The following RNF180 variants were observed in gnomAD, a reference collection of about 807,000 sequenced individuals.
RNF180 encodes E3 ubiquitin-protein ligase RNF180.
In RNF180, 38 loss-of-function variants were observed where a neutral mutation model predicts 59.2. The ratio of observed to expected loss-of-function variants is 0.64; its 90% CI spans 0.50 to 0.84. The LOEUF is 0.84. Among genes scored for constraint, RNF180 ranks in the 40% least tolerant of loss-of-function variants. RNF180 has a pLI of 0.00. For missense variants in RNF180, 705 were observed against 700.9 expected (o/e 1.01, Z -0.07); for synonymous variants, 262 against 240.3 (o/e 1.09, Z -0.84).
intron 5 of RNF180, among the ~76,000 whole-genome samples, chr5:64,289,847 T>A (rs572457926): frequency 6.6e-6 from 1 of 152,144 alleles, no homozygotes; most frequent in South Asian, 2.1e-4. Flanking sequence ...TCTCTTGGAT[T>A]TGTTTATTTT....
intron 1 of RNF180, among the ~76,000 whole-genome samples, chr5:64,169,045 A>G (rs1749799169): frequency 6.6e-6 from 1 of 152,182 alleles, no homozygotes; most frequent in African/African-American, 2.4e-5. Flanking sequence ...AGAAGGGGCT[A>G]CTTATGCCAG....
intron 7 of RNF180, among the ~76,000 whole-genome samples, chr5:64,356,875 A>T (rs1746049746): frequency 1.3e-5 from 2 of 151,868 alleles, no homozygotes; most frequent in Admixed American, 1.3e-4. Context: ...GTTTGGGATA[A>T]TGAAAAAACT....
intron 5 of RNF180, among the ~76,000 whole-genome samples, chr5:64,311,987 G>A (rs139690981): frequency 4.6e-5 from 7 of 152,094 alleles, no homozygotes; most frequent in Admixed American, 2.0e-4. Context: ...GATGGTACAC[G>A]TATGCGAGAG....
chr5:64,262,039 G>A (rs1221768653), intron 5 of RNF180, among the ~76,000 whole-genome samples: 3 of 152,118 alleles, frequency 2.0e-5, no homozygotes, highest in African/African-American at 7.2e-5. Context: ...AACTTCTTGT[G>A]AAGTATCATT....
At chr5:64,267,842 A>G (rs962432365) in intron 5 of RNF180, among the ~76,000 whole-genome samples, 7 of 152,126 alleles carry the variant, frequency 4.6e-5, no homozygotes, top group African/African-American at 1.7e-4. Context: ...TAATATTGGG[A>G]TATCTGCAGT....
At chr5:64,192,859 C>A (rs1307072040) in intron 1 of RNF180, among the ~76,000 whole-genome samples, 2 of 138,050 alleles carry the variant, frequency 1.4e-5, no homozygotes, top group South Asian at 2.3e-4. Flanking sequence ...GGAGAAAAAA[C>A]CAGGTGCCTA....
At chr5:64,187,470 T>C (rs1750929288) in intron 1 of RNF180, among the ~76,000 whole-genome samples, 1 of 152,166 alleles carries the variant, frequency 6.6e-6, no homozygotes, top group Non-Finnish European at 1.5e-5. Flanking sequence ...TTGAAGTTGA[T>C]TTTATCATGT....
At chr5:64,327,368 A>G (rs1744694076) in intron 6 of RNF180, among the ~76,000 whole-genome samples, 1 of 151,932 alleles carries the variant, frequency 6.6e-6, no homozygotes, top group Admixed American at 6.6e-5. Context: ...TGAGGTACAT[A>G]CATCATTAGG....
At chr5:64,286,513 A>G (rs182205255) in intron 5 of RNF180, among the ~76,000 whole-genome samples, 34 of 152,378 alleles carry the variant, frequency 2.2e-4, no homozygotes. Flanking sequence ...AAGTATTATA[A>G]AGATGAGAAG....
chr5:64,302,170 T>C (rs1446157889), intron 5 of RNF180, among the ~76,000 whole-genome samples: 1 of 151,442 alleles, frequency 6.6e-6, no homozygotes, highest in South Asian at 2.1e-4. Context: ...GCCCCACATA[T>C]ACCCAATATA....
chr5:64,296,806 A>G (rs2112441703), intron 5 of RNF180, among the ~76,000 whole-genome samples: 1 of 152,242 alleles, frequency 6.6e-6, no homozygotes, highest in South Asian at 2.1e-4. Flanking sequence ...CTTTTCCAAG[A>G]CTTGTACTGT....
chr5:64,253,034 T>C (rs1380254936), intron 5 of RNF180, among the ~76,000 whole-genome samples: 1 of 152,074 alleles, frequency 6.6e-6, no homozygotes, highest in Non-Finnish European at 1.5e-5. Flanking sequence ...GAGAGAATCC[T>C]GAAACTATTT....
intron 5 of RNF180, among the ~76,000 whole-genome samples, chr5:64,237,148 A>C (rs1308591494): frequency 6.6e-6 from 1 of 152,102 alleles, no homozygotes; most frequent in African/African-American, 2.4e-5. Context: ...AGCTTGGAAA[A>C]ACCACAGGCA....
At chr5:64,203,284 G>C (rs1476100270) in intron 2 of RNF180, among the ~76,000 whole-genome samples, 1 of 152,180 alleles carries the variant, frequency 6.6e-6, no homozygotes, top group Admixed American at 6.5e-5. Context: ...GGTCACAGGA[G>C]ACTTTGCAGA....
Position 64,171,950 on chromosome 5 carries a change from G to C in RNF180, c.-1+5997G>C, listed in dbSNP as rs114852309. On this transcript the variant is annotated intron_variant, in intron 1 of 7. Coordinates refer to ENST00000389100, the MANE Select transcript of RNF180 (RefSeq NM_001113561.2). ...TTGGATTTAGGTAAAAGACCTCACA[G>C]AGTTGGGTAACATCTTTGGCACAAA... Among the ~76,000 whole-genome samples the C allele has an allele frequency of 4.1e-3, 631 of 152,274 alleles. 7 individuals are homozygous for C. The highest frequency in any genetic ancestry group is 3.9e-3 in the Non-Finnish European group (267 of 68,018).
Position 64,201,898 on chromosome 5 carries a change from C to T in RNF180, c.135+956C>T, listed in dbSNP as rs567334934. 1.2e-4 allele frequency among the ~76,000 whole-genome samples: 18 copies of T among 152,200 alleles called. No individual in the cohort carries two copies. In the South Asian group the frequency reaches 1.7e-3, roughly 14 times the overall value. On this transcript the variant is annotated intron_variant, in intron 2 of 7. Transcript: ENST00000389100. ...GGGATTACAGGTGCCTGCCACCATG[C>T]CTGGCTAATTTTTGTATTTTTTAGT...
Position 64,214,474 on chromosome 5 carries a change from T to G in RNF180, c.1148T>G (p.Leu383Arg), listed in dbSNP as rs1752508628. The G allele has an allele frequency of 1.2e-6, 2 of 1,613,866 alleles. No individual in the cohort carries two copies. Among genetic ancestry groups the G allele is most frequent in the Non-Finnish European group, 8.5e-7 (1 of 1,179,818 alleles). The change falls in exon 4 of 8, where the codon CTA becomes CGA. Residue 383 changes from leucine to arginine, a missense_variant. Coordinates refer to ENST00000389100, the MANE Select transcript of RNF180 (RefSeq NM_001113561.2). ...NKRERSKLKNLRRKQRRRERW... is the reference protein window; with the variant it reads ...NKRERSKLKNRRRKQRRRERW... ...AGAGAAAGGAGCAAGTTGAAGAATC[T>G]AAGAAGGAAACAACGAAGGCGTGAA...
At chr5:64,191,126 T>C (rs924620286) in intron 1 of RNF180, among the ~76,000 whole-genome samples, 3 of 152,210 alleles carry the variant, frequency 2.0e-5, no homozygotes, top group African/African-American at 7.2e-5. Context: ...TTTTTTAAAT[T>C]TGTAGACTAT....
intron 1 of RNF180, among the ~76,000 whole-genome samples, chr5:64,198,138 C>T (rs1677231727): frequency 6.6e-6 from 1 of 152,116 alleles, no homozygotes. Flanking sequence ...TTTTCCTTAA[C>T]TCGGTATATT....
Sources: allele counts gnomAD v4.1 joint callset (sites outside exome capture counted in the v4.1 genomes callset), GRCh38; gene constraint gnomAD v4.1.1; transcripts MANE v1.5; gene names NCBI Gene and HGNC (gene_info 2026-07-23, HGNC 2026-07-21).